Variants in SORCS1 observed in about 807,000 individuals in gnomAD.
SORCS1 encodes the protein VPS10 domain-containing receptor SorCS1.
Under a neutral mutation model 146.1 loss-of-function variants are expected in SORCS1, and 60 were observed. The observed-to-expected ratio is 0.41, with a 90% CI of 0.33 to 0.51. SORCS1 has a LOEUF of 0.51. Ranked by LOEUF, SORCS1 falls within the 20% of genes least tolerant of loss-of-function variation. SORCS1 has a pLI of 0.21. For synonymous variants in SORCS1, 637 were observed against 584.0 expected (o/e 1.09, Z -1.31); for missense variants, 1,352 against 1,487.6 (o/e 0.91, Z 1.50).
chr10:107,057,616 C>T (rs1590039009), intron 1 of SORCS1, among the ~76,000 whole-genome samples: 1 of 152,188 alleles, frequency 6.6e-6, no homozygotes, highest in Non-Finnish European at 1.5e-5. Flanking sequence ...GTCCTCTCTC[C>T]TTTTCTCTCC....
chr10:107,070,931 T>C (rs1962364572), intron 1 of SORCS1, among the ~76,000 whole-genome samples: 1 of 151,572 alleles, frequency 6.6e-6, no homozygotes, highest in Non-Finnish European at 1.5e-5. Context: ...AAAAAAAAAA[T>C]AGTCCCATAA....
chr10:106,862,712 G>A (rs550105568), intron 2 of SORCS1, among the ~76,000 whole-genome samples: 13 of 141,688 alleles, frequency 9.2e-5, no homozygotes, highest in South Asian at 2.3e-4. Flanking sequence ...TTGGGAGGCC[G>A]AGACAGGCGG....
At chr10:106,609,754 G>A (rs6584758) in intron 22 of SORCS1, among the ~76,000 whole-genome samples, 102,435 of 152,194 alleles carry the variant, frequency 0.67, 37,416 homozygotes, top group Non-Finnish European at 0.82. Flanking sequence ...GTAATTTCTA[G>A]CCTAATGGAC....
chr10:106,956,380 CAG>C, intron 2 of SORCS1, 131 bp downstream of exon 2: 2 of 744,396 alleles, frequency 2.7e-6, no homozygotes, highest in Non-Finnish European at 4.5e-6. Flanking sequence ...CTAAAGGAAA[CAG>C]AGAAGAAAGA....
At chr10:106,825,613 C>A (rs1454542384) in intron 3 of SORCS1, among the ~76,000 whole-genome samples, 4 of 151,954 alleles carry the variant, frequency 2.6e-5, no homozygotes, top group Non-Finnish European at 5.9e-5. Flanking sequence ...TTAGTTCTTC[C>A]CATCACCTTC....
At chr10:106,720,914 A>G (rs991716984) in intron 6 of SORCS1, among the ~76,000 whole-genome samples, 10 of 152,018 alleles carry the variant, frequency 6.6e-5, no homozygotes, top group African/African-American at 2.2e-4. Flanking sequence ...AGGCTTTTCA[A>G]TGCTGTGCTA....
At chr10:106,987,452 C>T (rs1457933233) in intron 1 of SORCS1, among the ~76,000 whole-genome samples, 2 of 152,216 alleles carry the variant, frequency 1.3e-5, no homozygotes, top group Non-Finnish European at 2.9e-5. Flanking sequence ...ACTTCCATGG[C>T]TTCTTCATTC....
chr10:106,928,000 G>A (rs1310914341), intron 2 of SORCS1, among the ~76,000 whole-genome samples: 1 of 152,244 alleles, frequency 6.6e-6, no homozygotes, highest in African/African-American at 2.4e-5. Flanking sequence ...AGACATAAAG[G>A]TTCTGCAAGT....
intron 2 of SORCS1, among the ~76,000 whole-genome samples, chr10:106,931,783 A>G (rs1327445759): frequency 1.3e-5 from 2 of 152,184 alleles, no homozygotes; most frequent in African/African-American, 2.4e-5. Context: ...AAATGAACTC[A>G]CTGCTGTTCA....
intron 4 of SORCS1, among the ~76,000 whole-genome samples, chr10:106,775,903 T>C (rs556274986): frequency 4.9e-4 from 74 of 152,330 alleles, no homozygotes; most frequent in African/African-American, 1.7e-3. Context: ...ATAGAGTACA[T>C]AATATATATT....
chr10:106,972,635 G>C (rs760822723), intron 1 of SORCS1, among the ~76,000 whole-genome samples: 1 of 151,800 alleles, frequency 6.6e-6, no homozygotes, highest in African/African-American at 2.4e-5. Flanking sequence ...GCTCAGTGCC[G>C]TAGACAAGAG....
intron 1 of SORCS1, among the ~76,000 whole-genome samples, chr10:107,010,147 A>G (rs1463128865): frequency 3.3e-5 from 5 of 152,250 alleles, no homozygotes; most frequent in Admixed American, 2.6e-4. Context: ...GTTCATCAAT[A>G]TAACTTCAAT....
chr10:106,661,941 G>A (rs868127259), intron 17 of SORCS1, among the ~76,000 whole-genome samples: 2 of 152,228 alleles, frequency 1.3e-5, no homozygotes, highest in Non-Finnish European at 2.9e-5. Flanking sequence ...GGAGCCAATC[G>A]TGGAGAACAC....
intron 19 of SORCS1, among the ~76,000 whole-genome samples, chr10:106,627,167 C>A (rs1035319027): frequency 6.6e-6 from 1 of 152,034 alleles, no homozygotes; most frequent in Non-Finnish European, 1.5e-5. Context: ...GCAGTAGACA[C>A]CTCAAGGGGT....
At chr10:106,800,416 T>C (rs932257014) in intron 3 of SORCS1, among the ~76,000 whole-genome samples, 8 of 150,860 alleles carry the variant, frequency 5.3e-5, no homozygotes, top group Admixed American at 4.6e-4. Flanking sequence ...TACAATACCA[T>C]ACACAAGGGA....
At chr10:107,089,019 C>A (rs2134293601) in intron 1 of SORCS1, among the ~76,000 whole-genome samples, 1 of 152,182 alleles carries the variant, frequency 6.6e-6, no homozygotes, top group East Asian at 1.9e-4. Context: ...ATTACCATTA[C>A]CATCTGACTT....
At chr10:107,136,483 G>A (rs2134677291) in intron 1 of SORCS1, among the ~76,000 whole-genome samples, 1 of 152,232 alleles carries the variant, frequency 6.6e-6, no homozygotes, top group South Asian at 2.1e-4. Context: ...AGTAGTAAAG[G>A]GTCTTGGAGA....
intron 1 of SORCS1, among the ~76,000 whole-genome samples, chr10:106,969,505 A>G (rs1157897568): frequency 6.6e-6 from 1 of 152,206 alleles, no homozygotes; most frequent in South Asian, 2.1e-4. Flanking sequence ...GGAAGAGTTG[A>G]AAGAAGTAGA....
chr10:106,926,170 C>T (rs1953003561), intron 2 of SORCS1, among the ~76,000 whole-genome samples: 1 of 152,076 alleles, frequency 6.6e-6, no homozygotes, highest in Non-Finnish European at 1.5e-5. Flanking sequence ...TTATGTTTAT[C>T]ACAGCATTCT....
Sources: gnomAD v4.1 joint callset for allele counts (sites outside exome capture counted in the v4.1 genomes callset) on GRCh38, gnomAD v4.1.1 for gene constraint, MANE v1.5 for transcripts, NCBI Gene and HGNC (gene_info 2026-07-23, HGNC 2026-07-21) for gene names.